ZEB1: variants seen among roughly 807,000 people sequenced by gnomAD.
The protein encoded by ZEB1 is zinc finger E-box binding homeobox 1.
ZEB1 carries 21 observed loss-of-function variants against 84.9 expected under a neutral mutation model. The observed-to-expected ratio is 0.25, with a 90% CI of 0.18 to 0.36. The LOEUF is 0.36. ZEB1 is among the 10% of genes least tolerant of loss of function. ZEB1 has a pLI of 1.00. For missense variants in ZEB1, 1,104 were observed against 1,330.2 expected, an observed-to-expected ratio of 0.83 and a Z score of 2.65; for synonymous variants, 420 against 471.1, an observed-to-expected ratio of 0.89 and a Z score of 1.41.
At chr10:31,397,283 G>A (rs550833103) in intron 1 of ZEB1, among the ~76,000 whole-genome samples, 3 of 150,428 alleles carry the variant, frequency 2.0e-5, no homozygotes, top group Non-Finnish European at 3.0e-5. Flanking sequence ...ATTAAAACAC[G>A]TTAAATACTT....
intron 1 of ZEB1, chr10:31,319,544 C>T (rs113112857): frequency 0.014 from 7,257 of 518,004 alleles, 454 homozygotes; most frequent in African/African-American, 0.14. Context: ...CGGCTCCCGC[C>T]GCCCCTGCCG....
intron 1 of ZEB1, among the ~76,000 whole-genome samples, chr10:31,406,428 T>G (rs1293507472): frequency 1.3e-5 from 2 of 152,150 alleles, no homozygotes; most frequent in Non-Finnish European, 1.5e-5. Context: ...TGATTTGCAT[T>G]TCTCTAATGA....
At chr10:31,404,492 A>G (rs1297163405) in intron 1 of ZEB1, among the ~76,000 whole-genome samples, 1 of 152,168 alleles carries the variant, frequency 6.6e-6, no homozygotes, top group Non-Finnish European at 1.5e-5. Flanking sequence ...TTCTACTTGA[A>G]GGAATTTGTT....
chr10:31,437,457 T>C (rs1300086656), intron 1 of ZEB1, among the ~76,000 whole-genome samples: 3 of 152,202 alleles, frequency 2.0e-5, no homozygotes, highest in Admixed American at 2.0e-4. Flanking sequence ...ACCTATAAAT[T>C]GTTTGTTTTT....
At chr10:31,334,598 A>C (rs906348174) in intron 1 of ZEB1, among the ~76,000 whole-genome samples, 1 of 152,136 alleles carries the variant, frequency 6.6e-6, no homozygotes, top group Non-Finnish European at 1.5e-5. Flanking sequence ...AACTAGAGAA[A>C]GTAAAAGTAA....
chr10:31,383,564 A>G (rs2048081345), intron 1 of ZEB1, among the ~76,000 whole-genome samples: 1 of 152,226 alleles, frequency 6.6e-6, no homozygotes, highest in African/African-American at 2.4e-5. Flanking sequence ...AATTTTTAAA[A>G]GGTTACATGA....
intron 1 of ZEB1, among the ~76,000 whole-genome samples, chr10:31,455,164 A>G (rs1487251678): frequency 6.6e-6 from 1 of 152,248 alleles, no homozygotes; most frequent in Non-Finnish European, 1.5e-5. Context: ...AAATGGGGAA[A>G]AGATTCCCTG....
intron 1 of ZEB1, among the ~76,000 whole-genome samples, chr10:31,443,141 G>A (rs951754942): frequency 1.2e-4 from 19 of 152,176 alleles, no homozygotes; most frequent in Admixed American, 9.8e-4. Context: ...TACTGAGGTT[G>A]AGCATCTTTT....
chr10:31,394,290 T>C (rs1469084343), intron 1 of ZEB1, among the ~76,000 whole-genome samples: 4 of 152,178 alleles, frequency 2.6e-5, no homozygotes, highest in Admixed American at 2.0e-4. Context: ...AAGATGACAC[T>C]GTACGGTGAA....
chr10:31,386,742 A>G (rs1008581302), intron 1 of ZEB1, among the ~76,000 whole-genome samples: 14 of 152,216 alleles, frequency 9.2e-5, no homozygotes, highest in Admixed American at 5.9e-4. Context: ...TCTTGGAAAT[A>G]CAAAGGGAGG....
chr10:31,352,309 G>A (rs538603823), intron 1 of ZEB1, among the ~76,000 whole-genome samples: 38 of 152,164 alleles, frequency 2.5e-4, no homozygotes, highest in Admixed American at 9.2e-4. Context: ...TGAAATTTAA[G>A]CGTTACTGTG....
chr10:31,363,163 C>T, intron 1 of ZEB1: 1 of 1,533,932 alleles, frequency 6.5e-7, no homozygotes, highest in Middle Eastern at 2.3e-4. Flanking sequence ...CATGTCCTCC[C>T]CCACCATCAG....
chr10:31,380,664 A>G (rs1590613314), intron 1 of ZEB1, among the ~76,000 whole-genome samples: 1 of 152,196 alleles, frequency 6.6e-6, no homozygotes, highest in African/African-American at 2.4e-5. Context: ...AGTTTCCTTC[A>G]TAAATTACAC....
intron 1 of ZEB1, among the ~76,000 whole-genome samples, chr10:31,333,536 CTAAGA>C (rs1165194365): frequency 6.6e-6 from 1 of 151,424 alleles, no homozygotes; most frequent in African/African-American, 2.4e-5. Flanking sequence ...GTTAAAATTT[CTAAGA>C]TAAGGAATAA....
At chr10:31,462,549 C>T (rs191533447) in intron 2 of ZEB1, among the ~76,000 whole-genome samples, 4 of 152,092 alleles carry the variant, frequency 2.6e-5, no homozygotes, top group East Asian at 1.9e-4. Context: ...TCTTAAGGAC[C>T]GATGGAGGTT....
At chr10:31,469,986 A>T (rs1345662663) in intron 2 of ZEB1, among the ~76,000 whole-genome samples, 5 of 151,442 alleles carry the variant, frequency 3.3e-5, no homozygotes, top group Non-Finnish European at 7.4e-5. Flanking sequence ...ACTCCAACAG[A>T]CCTACAGCTG....
At position 31,494,318 on chromosome 10, in the gene ZEB1, T is replaced by C. The variant is rs150765985; in HGVS notation, c.260-1458T>C. The stretch of plus-strand genomic sequence containing the variant: ...GTGTAAAATGAGACTTCAGCAGAAG[T>C]TAATCTCATCATCTACTTAAAACAG... On this transcript the variant is annotated intron_variant, in intron 2 of 8. Coordinates refer to ENST00000424869, the MANE Select transcript of ZEB1 (RefSeq NM_001174096.2). Among the ~76,000 whole-genome samples the C allele has an allele frequency of 9.1e-3, 1,387 of 152,168 alleles. 12 individuals carry two copies. The highest frequency in any genetic ancestry group is 0.031 in the African/African-American group (1,297 of 41,546).
intron 1 of ZEB1, among the ~76,000 whole-genome samples, chr10:31,432,560 G>C (rs1400640768): frequency 2.0e-5 from 3 of 152,144 alleles, no homozygotes; most frequent in Non-Finnish European, 4.4e-5. Flanking sequence ...CTGCACTCCA[G>C]CGTGAGCAAC....
At chr10:31,491,269 A>G (rs1487624485) in intron 2 of ZEB1, among the ~76,000 whole-genome samples, 1 of 151,798 alleles carries the variant, frequency 6.6e-6, no homozygotes, top group African/African-American at 2.4e-5. Context: ...CAGGGAGAGA[A>G]AGAGCTCAGT....
Sources: allele counts gnomAD v4.1 joint callset (sites outside exome capture counted in the v4.1 genomes callset), GRCh38; gene constraint gnomAD v4.1.1; transcripts MANE v1.5; gene names NCBI Gene and HGNC (gene_info 2026-07-23, HGNC 2026-07-21).